ITPR1: variants seen among roughly 807,000 people sequenced by gnomAD.
ITPR1 encodes the protein inositol 1,4,5-trisphosphate-gated calcium channel ITPR1.
Under a neutral mutation model 318.4 loss-of-function variants are expected in ITPR1, and 96 were observed. That is an observed-to-expected ratio of 0.30 (90% CI 0.26 to 0.36). The LOEUF (loss-of-function observed/expected upper bound fraction) is 0.36. Ranked by LOEUF, ITPR1 falls within the 10% of genes least tolerant of loss-of-function variation. The pLI, the probability that ITPR1 is intolerant of heterozygous loss-of-function variation, is 1.00. For synonymous variants in ITPR1, 1,312 were observed against 1,289.9 expected (o/e 1.02, Z -0.37); for missense variants, 2,440 against 3,460.2 (o/e 0.71, Z 7.40).
intron 4 of ITPR1, among the ~76,000 whole-genome samples, chr3:4,550,249 G>GT (rs2085425202): frequency 6.6e-6 from 1 of 152,140 alleles, no homozygotes; most frequent in African/African-American, 2.4e-5. Context: ...CACATGTGCT[G>GT]TTTAGACTCA....
rs933297496 is a variant in ITPR1, at chr3:4,543,178, G to A, written c.163+22084G>A. Among the ~76,000 whole-genome samples the A allele has an allele frequency of 3.9e-5, 6 of 152,032 alleles. No individual in the cohort carries two copies. In the East Asian group the frequency reaches 1.2e-3, roughly 29 times the overall value. On this transcript the variant is annotated intron_variant, in intron 4 of 61. Coordinates refer to ENST00000649015, the MANE Select transcript of ITPR1 (RefSeq NM_001378452.1). Reference sequence around the variant, plus strand: ...TCAGCTACTCGACAGGCTTAGGTGGGAGGATTGCTTGACCCCAAGGCTGCA... The same window carrying A: ...TCAGCTACTCGACAGGCTTAGGTGGAAGGATTGCTTGACCCCAAGGCTGCA...
In ITPR1 at chr3:4,795,045, C is replaced by T. The variant is rs1298684937; in HGVS notation, c.6809-20C>T. On this transcript the variant is annotated intron_variant, in intron 52 of 61. Coordinates refer to ENST00000649015, the MANE Select transcript of ITPR1 (RefSeq NM_001378452.1). ...GCTTGGGGTCTCCAGCCTCACGCGG[C>T]TTTGCCTTTGTCTCTGCAGCCCAGC... The T allele has an allele frequency of 6.3e-7, 1 of 1,592,030 alleles. No homozygotes were observed. Among genetic ancestry groups the T allele is most frequent in the East Asian group, 2.3e-5 (1 of 44,328 alleles).
chr3:4,600,450 C>T (rs549873384), intron 4 of ITPR1, among the ~76,000 whole-genome samples: 6 of 151,952 alleles, frequency 3.9e-5, no homozygotes, highest in African/African-American at 9.7e-5. Context: ...GGCTGGAGCT[C>T]GGAAAGGGTA....
At chr3:4,655,854 G>T (rs148580378) in intron 12 of ITPR1, among the ~76,000 whole-genome samples, 46 of 152,258 alleles carry the variant, frequency 3.0e-4, no homozygotes, top group Middle Eastern at 6.8e-3. Flanking sequence ...CTTACCCGAC[G>T]CCCACACGGC....
At chr3:4,546,741 G>A (rs991053786) in intron 4 of ITPR1, among the ~76,000 whole-genome samples, 1 of 150,022 alleles carries the variant, frequency 6.7e-6, no homozygotes, top group Non-Finnish European at 1.5e-5. Flanking sequence ...CATAAACCAA[G>A]CGCTGGGCCA....
chr3:4,749,142 T>C (rs534795324), intron 44 of ITPR1: 2 of 152,244 alleles, frequency 1.3e-5, no homozygotes, highest in Admixed American at 6.5e-5. Flanking sequence ...TAACCTTGAA[T>C]ACTAATTCGT....
chr3:4,758,897 G>C (rs2045225631), intron 44 of ITPR1, among the ~76,000 whole-genome samples: 1 of 152,206 alleles, frequency 6.6e-6, no homozygotes, highest in Admixed American at 6.5e-5. Context: ...CATGGAAGCT[G>C]GGGTCCAGCA....
intron 44 of ITPR1, among the ~76,000 whole-genome samples, chr3:4,754,213 G>A (rs996104860): frequency 2.6e-5 from 4 of 151,948 alleles, no homozygotes; most frequent in Non-Finnish European, 4.4e-5. Context: ...TCCAGAGATC[G>A]ACTCCCCTGA....
intron 4 of ITPR1, among the ~76,000 whole-genome samples, chr3:4,588,927 C>T (rs867465232): frequency 2.6e-5 from 4 of 152,164 alleles, no homozygotes; most frequent in East Asian, 1.9e-4. Flanking sequence ...CCCAATTTGC[C>T]TACTTCTCAC....
At chr3:4,572,689 A>G (rs1264118732) in intron 4 of ITPR1, among the ~76,000 whole-genome samples, 1 of 152,230 alleles carries the variant, frequency 6.6e-6, no homozygotes, top group Non-Finnish European at 1.5e-5. Context: ...GATCTCCAGA[A>G]CTTTTTCATC....
At chr3:4,641,052 A>G (rs1326541814) in intron 6 of ITPR1, among the ~76,000 whole-genome samples, 1 of 152,236 alleles carries the variant, frequency 6.6e-6, no homozygotes, top group Admixed American at 6.5e-5. Context: ...ACCTCCTAAC[A>G]GTTCTAGCAG....
intron 6 of ITPR1, 65 bp downstream of exon 6, chr3:4,639,535 A>C: frequency 8.3e-7 from 1 of 1,205,626 alleles, no homozygotes; most frequent in Non-Finnish European, 1.2e-6. Context: ...TGAGGAAACA[A>C]ACACCTAAGA....
intron 4 of ITPR1, among the ~76,000 whole-genome samples, chr3:4,525,557 A>T (rs1450919625): frequency 6.6e-6 from 1 of 152,162 alleles, no homozygotes; most frequent in African/African-American, 2.4e-5. Context: ...CATCTTTTTC[A>T]TCTGAATGAA....
intron 4 of ITPR1, among the ~76,000 whole-genome samples, chr3:4,529,929 A>G (rs2083277967): frequency 6.6e-6 from 1 of 152,320 alleles, no homozygotes; most frequent in African/African-American, 2.4e-5. Context: ...TGTCTGGTCC[A>G]AGATCACGTA....
At chr3:4,777,407 T>C (rs765408062) in intron 48 of ITPR1, 33 bp downstream of exon 48, 1 of 1,333,144 alleles carries the variant, frequency 7.5e-7, no homozygotes, top group Non-Finnish European at 1.1e-6. Flanking sequence ...AGACAGTCAT[T>C]TGGAAACAGT....
chr3:4,636,125 G>A (rs2093182018), intron 5 of ITPR1, among the ~76,000 whole-genome samples: 2 of 152,154 alleles, frequency 1.3e-5, no homozygotes, highest in African/African-American at 4.8e-5. Context: ...GGGATTACAG[G>A]CATGAGCCAC....
At chr3:4,735,495 A>C (rs906409108) in intron 44 of ITPR1, 141 bp downstream of exon 44, 1 of 660,470 alleles carries the variant, frequency 1.5e-6, no homozygotes, top group African/African-American at 1.8e-5. Context: ...GTTTTGAAAA[A>C]TGAGTTCTGC....
chr3:4,503,619 G>A (rs2081190918), intron 2 of ITPR1, among the ~76,000 whole-genome samples: 1 of 152,014 alleles, frequency 6.6e-6, no homozygotes, highest in Non-Finnish European at 1.5e-5. Context: ...GGCAGGCAGG[G>A]GTGGGGTGCT....
In ITPR1 at chr3:4,759,070, G is replaced by A. The variant is rs578253611; in HGVS notation, c.5545-7460G>A. 9.9e-4 allele frequency among the ~76,000 whole-genome samples: 147 copies of A among 148,182 alleles called. 1 individual carries two copies. The highest frequency in any genetic ancestry group is 6.8e-3 in the Middle Eastern group (2 of 294). On this transcript the variant is annotated intron_variant, in intron 44 of 61. Transcript: ENST00000649015. ...GGTGTTATGTAAATGGCCAAAGACTGGTGTCCAACTTGCATCCAGTGATAA... is the reference window on the plus strand; with the variant it reads ...GGTGTTATGTAAATGGCCAAAGACTAGTGTCCAACTTGCATCCAGTGATAA...
Sources: allele counts gnomAD v4.1 joint callset (sites outside exome capture counted in the v4.1 genomes callset), GRCh38; gene constraint gnomAD v4.1.1; transcripts MANE v1.5; gene names NCBI Gene and HGNC (gene_info 2026-07-23, HGNC 2026-07-21).